USP48: variants seen among roughly 807,000 people sequenced by gnomAD.
USP48 encodes the protein ubiquitin specific peptidase 48.
In USP48, 43 loss-of-function variants were observed where a neutral mutation model predicts 150.7. The observed-to-expected ratio is 0.29, with a 90% CI of 0.22 to 0.37. USP48 has a LOEUF of 0.37. Among genes scored for constraint, USP48 ranks in the 10% least tolerant of loss-of-function variants. USP48 has a pLI of 1.00. For missense variants in USP48, 813 were observed against 1,249.6 expected, an observed-to-expected ratio of 0.65 and a Z score of 5.27; for synonymous variants, 396 against 425.9, an observed-to-expected ratio of 0.93 and a Z score of 0.86.
At position 21,751,536 on chromosome 1, in the gene USP48, A is replaced by G; in HGVS notation, c.745T>C (p.Leu249=). The change falls in exon 6 of 27, where the codon TTA becomes CTA. Residue 249 remains leucine, a synonymous_variant. Coordinates refer to ENST00000308271, the MANE Select transcript of USP48 (RefSeq NM_032236.8). ...AAAAATTCCGAGATACAATCTGTTA[A>G]CTGTTTGTGGCCTTGGATATTTAAC... The part of the protein sequence containing the change: ...LELNIQGHKQ[L]TDCISEFLKE... 6.2e-7 allele frequency: 1 copy of G among 1,613,962 alleles called. No homozygotes were observed. Among genetic ancestry groups the G allele is most frequent in the Non-Finnish European group, 8.5e-7 (1 of 1,179,960 alleles).
chr1:21,683,817 A>T (rs967415367), intron 25 of USP48, among the ~76,000 whole-genome samples: 1 of 152,168 alleles, frequency 6.6e-6, no homozygotes, highest in Non-Finnish European at 1.5e-5. Flanking sequence ...ATCCACTCAT[A>T]ACTACCATTC....
rs1324544469 is a variant in USP48 at position 21,782,928 on chromosome 1, C to G, written c.30G>C (p.Ala10=). The G allele has an allele frequency of 6.5e-7, 1 of 1,549,648 alleles. No individual in the cohort carries two copies. The highest frequency in any genetic ancestry group is 1.2e-5 in the South Asian group (1 of 83,916). ...GCACCGTCTCCGCCCAGCGCCAGGC[C>G]GCCTTCTCCAGCTGCAGCCGCGGGG... The part of the protein sequence containing the change: MAPRLQLEK[A]AWRWAETVRP... The change falls in exon 1 of 27, where the codon GCG becomes GCC. Residue 10 remains alanine (A), a synonymous_variant. Coordinates refer to ENST00000308271, the MANE Select transcript of USP48 (RefSeq NM_032236.8).
intron 23 of USP48, among the ~76,000 whole-genome samples, chr1:21,690,635 C>T (rs1457878067): frequency 6.6e-6 from 1 of 152,012 alleles, no homozygotes; most frequent in Non-Finnish European, 1.5e-5. Context: ...GGGATCCTCC[C>T]ACCTAAGGCT....
At chr1:21,757,489 AT>A (rs763952587) in intron 2 of USP48, 173 bp downstream of exon 2, 4 of 521,130 alleles carry the variant, frequency 7.7e-6, no homozygotes, top group African/African-American at 3.9e-5. Context: ...TTTAAAGCAT[AT>A]CATTAAGAAG....
intron 1 of USP48, among the ~76,000 whole-genome samples, chr1:21,769,362 T>G (rs890924498): frequency 1.3e-5 from 2 of 150,402 alleles, no homozygotes; most frequent in African/African-American, 4.9e-5. Flanking sequence ...CAAAGAACAA[T>G]AGACGTTGGG....
At chr1:21,775,585 A>G (rs2097896056) in intron 1 of USP48, among the ~76,000 whole-genome samples, 2 of 152,228 alleles carry the variant, frequency 1.3e-5, no homozygotes, top group Non-Finnish European at 2.9e-5. Context: ...AGAGCTACAA[A>G]GCCACTGAAG....
chr1:21,719,697 G>A (rs2152541007), intron 14 of USP48, among the ~76,000 whole-genome samples: 1 of 152,240 alleles, frequency 6.6e-6, no homozygotes, highest in Non-Finnish European at 1.5e-5. Flanking sequence ...GTGAAACCCT[G>A]TCTCTTCTAA....
intron 1 of USP48, among the ~76,000 whole-genome samples, chr1:21,762,265 G>A (rs776033033): frequency 3.3e-5 from 5 of 149,800 alleles, no homozygotes; most frequent in African/African-American, 5.0e-5. Flanking sequence ...AGCGAGACTC[G>A]TCTCAAAAAA....
intron 26 of USP48, among the ~76,000 whole-genome samples, chr1:21,680,471 G>T (rs1378856470): frequency 6.6e-6 from 1 of 152,188 alleles, no homozygotes; most frequent in Non-Finnish European, 1.5e-5. Flanking sequence ...TCTAGGAGGG[G>T]ACTTGATAGG....
chr1:21,710,536 T>C, intron 15 of USP48, among the ~76,000 whole-genome samples: 1 of 152,308 alleles, frequency 6.6e-6, no homozygotes, highest in Middle Eastern at 3.4e-3. Flanking sequence ...ATATATATAA[T>C]ATCTGTATTA....
chr1:21,774,240 G>T (rs2097891161), intron 1 of USP48, among the ~76,000 whole-genome samples: 1 of 150,256 alleles, frequency 6.7e-6, no homozygotes, highest in African/African-American at 2.5e-5. Context: ...GTATGTATTT[G>T]GGGCTCCTGC....
At chr1:21,684,675 A>C (rs1352954582) in intron 25 of USP48, among the ~76,000 whole-genome samples, 1 of 60,314 alleles carries the variant, frequency 1.7e-5, no homozygotes, top group Non-Finnish European at 4.5e-5. Context: ...TCATAGTTTC[A>C]AGTCTTACAT....
chr1:21,751,432 C>A, intron 6 of USP48, 75 bp downstream of exon 6: 2 of 1,143,858 alleles, frequency 1.7e-6, no homozygotes, highest in Non-Finnish European at 2.6e-6. Flanking sequence ...GCCACTAAAT[C>A]AAAACAGAAT....
At chr1:21,715,037 G>GT (rs2097700505) in intron 15 of USP48, 2 of 197,018 alleles carry the variant, frequency 1.0e-5, no homozygotes, top group Non-Finnish European at 2.1e-5. Flanking sequence ...AGCTAGGACA[G>GT]TGACAGTCAG....
At position 21,756,708 on chromosome 1, in the gene USP48, A is replaced by G. The variant is rs755452665; in HGVS notation, c.256-6T>C. ...GTCAGGCCCACAAATGAGTTCTACA[A>G]AAATACAAAATTCATAATTATAAAA... On this transcript the variant is annotated splice_region_variant and splice_polypyrimidine_tract_variant and intron_variant, in intron 2 of 26. Coordinates refer to ENST00000308271, the MANE Select transcript of USP48 (RefSeq NM_032236.8). 3 of 1,612,774 alleles carry G rather than the reference A, an allele frequency of 1.9e-6. No individual in the cohort carries two copies. In the African/African-American group the frequency reaches 4.0e-5, roughly 22 times the overall value.
chr1:21,689,852 C>A (rs2097592193), intron 24 of USP48, 122 bp downstream of exon 24: 2 of 1,364,842 alleles, frequency 1.5e-6, no homozygotes, highest in Non-Finnish European at 2.0e-6. Flanking sequence ...CCACAGCAGT[C>A]ATTTATCACT....
At chr1:21,699,082 T>A (rs542411514) in intron 22 of USP48, among the ~76,000 whole-genome samples, 1 of 151,588 alleles carries the variant, frequency 6.6e-6, no homozygotes, top group Non-Finnish European at 1.5e-5. Flanking sequence ...CAAGCTGGAG[T>A]GCAGTGGCAC....
chr1:21,753,425 C>T (rs1020485126), intron 3 of USP48, among the ~76,000 whole-genome samples: 2 of 151,720 alleles, frequency 1.3e-5, no homozygotes, highest in Admixed American at 1.3e-4. Context: ...TGTGGTGGTG[C>T]ACACATGTAA....
intron 10 of USP48, 113 bp downstream of exon 10, chr1:21,729,591 C>T (rs2152555552): frequency 3.1e-6 from 4 of 1,295,914 alleles, no homozygotes; most frequent in African/African-American, 2.9e-5. Flanking sequence ...CCAACATTCA[C>T]CTTATGGAAT....
Sources: allele counts gnomAD v4.1 joint callset (sites outside exome capture counted in the v4.1 genomes callset), GRCh38; gene constraint gnomAD v4.1.1; transcripts MANE v1.5; gene names NCBI Gene and HGNC (gene_info 2026-07-23, HGNC 2026-07-21).